The following MAP2K5 variants were observed in gnomAD, a reference collection of about 807,000 sequenced individuals.
MAP2K5 encodes the protein dual specificity mitogen-activated protein kinase kinase 5.
Under a neutral mutation model 83.1 loss-of-function variants are expected in MAP2K5, and 49 were observed. The ratio of observed to expected loss-of-function variants is 0.59; its 90% CI spans 0.47 to 0.75. The LOEUF is 0.75. Among genes scored for constraint, MAP2K5 ranks in the 30% least tolerant of loss-of-function variants. The probability of loss-of-function intolerance (pLI) is 0.00; values close to 1 mark genes in which losing one functional copy is unlikely to be tolerated. For missense variants in MAP2K5, 457 were observed against 557.5 expected (o/e 0.82, Z 1.82); for synonymous variants, 202 against 191.8 (o/e 1.05, Z -0.44).
At position 67,652,072 on chromosome 15, in the gene MAP2K5, G is replaced by A. The variant is rs1368064336; in HGVS notation, c.736+5603G>A. On this transcript the variant is annotated intron_variant, in intron 11 of 21. Transcript: ENST00000178640. The surrounding 1 kb of genome is among the most constrained non-coding windows in gnomAD (Gnocchi z 4.2). The stretch of plus-strand genomic sequence containing the variant: ...AAAAGCCATTTCAGCTGGAGTGAGA[G>A]GATATCTCACTGTGGTTTTGATTTG... Among the ~76,000 whole-genome samples, 3 of 152,152 alleles carry A rather than the reference G, an allele frequency of 2.0e-5. No individual in the cohort carries two copies. Among genetic ancestry groups the A allele is most frequent in the Non-Finnish European group, 2.9e-5 (2 of 68,006 alleles).
At chr15:67,588,044 A>G (rs2085324693) in intron 6 of MAP2K5, 1 of 975,160 alleles carries the variant, frequency 1.0e-6, no homozygotes, top group Non-Finnish European at 1.2e-6. Flanking sequence ...CCATCTTGCC[A>G]GTGTACAGTC....
intron 21 of MAP2K5, among the ~76,000 whole-genome samples, chr15:67,806,317 G>A (rs974716041): frequency 6.6e-6 from 1 of 152,240 alleles, no homozygotes; most frequent in African/African-American, 2.4e-5. Context: ...AGTGATGCCG[G>A]GCAGAGGAAG....
chr15:67,636,305 G>A lies in MAP2K5; in HGVS notation c.585+5378G>A, dbSNP rs2086602477. On this transcript the variant is annotated intron_variant, in intron 9 of 21. Coordinates refer to ENST00000178640, the MANE Select transcript of MAP2K5 (RefSeq NM_145160.3). The surrounding 1 kb of genome is among the most constrained non-coding windows in gnomAD (Gnocchi z 4.7). ...CGCTTGTAGTCCCAGCTACTCAGGA[G>A]GCTGAAGCAGGAGAATGGCGTGAAC... 6.6e-6 allele frequency among the ~76,000 whole-genome samples: 1 copy of A among 152,022 alleles called. No individual in the cohort carries two copies. The highest frequency in any genetic ancestry group is 2.4e-5 in the African/African-American group (1 of 41,392).
intron 7 of MAP2K5, among the ~76,000 whole-genome samples, chr15:67,597,255 G>A (rs1166975886): frequency 6.6e-6 from 1 of 151,414 alleles, no homozygotes; most frequent in Non-Finnish European, 1.5e-5. Flanking sequence ...AATTTAAAGA[G>A]CTGTGTGATT....
chr15:67,574,651 G>A (rs1272744576), intron 3 of MAP2K5, among the ~76,000 whole-genome samples: 2 of 150,972 alleles, frequency 1.3e-5, no homozygotes, highest in African/African-American at 2.4e-5. Flanking sequence ...GGCGAATCAC[G>A]AAGTAAAGAG....
chr15:67,568,878 C>T (rs1006351512), intron 3 of MAP2K5, among the ~76,000 whole-genome samples: 68 of 151,624 alleles, frequency 4.5e-4, no homozygotes, highest in South Asian at 4.2e-4. Flanking sequence ...TGGTGGCATG[C>T]GCCTGTAGTC....
chr15:67,737,117 C>G (rs534193335), intron 17 of MAP2K5, among the ~76,000 whole-genome samples: 53 of 152,296 alleles, frequency 3.5e-4, no homozygotes, highest in Middle Eastern at 3.4e-3. Flanking sequence ...AATGGCCGTC[C>G]TTATTTTACA....
chr15:67,728,965 T>C (rs2089163216), intron 17 of MAP2K5, among the ~76,000 whole-genome samples: 1 of 152,246 alleles, frequency 6.6e-6, no homozygotes, highest in African/African-American at 2.4e-5. Flanking sequence ...ATTCTTTTGC[T>C]TTCATAGTTA....
In MAP2K5 at chr15:67,760,340, A is replaced by T. The variant is rs1414656130; in HGVS notation, c.1135-9262A>T. On this transcript the variant is annotated intron_variant, in intron 19 of 21. Transcript: ENST00000178640. The surrounding 1 kb of genome is among the most constrained non-coding windows in gnomAD (Gnocchi z 4.1). ...TACAGAAGAAACAAGTTATAAGAAA[A>T]TTTTTTCCTCATAGTCTGAAGGATG... Among the ~76,000 whole-genome samples the T allele has an allele frequency of 6.6e-6, 1 of 152,112 alleles. No homozygotes were observed. Among genetic ancestry groups the T allele is most frequent in the Non-Finnish European group, 1.5e-5 (1 of 68,018 alleles).
Position 67,771,208 on chromosome 15 carries a change from C to T in MAP2K5, c.1197-1499C>T, listed in dbSNP as rs73427984. 4.9e-4 allele frequency among the ~76,000 whole-genome samples: 55 copies of T among 112,320 alleles called. No individual in the cohort carries two copies. In the South Asian group the frequency reaches 5.8e-3, roughly 12 times the overall value. The allele number at this position is 112,320 out of a possible 152,430, so 73.7% of individuals were successfully genotyped here. The stretch of plus-strand genomic sequence containing the variant: ...GGTAATGTGTACCATGTGTTTTACA[C>T]ATGGTAATGCCTCATTTTGAAATGC... On this transcript the variant is annotated intron_variant, in intron 20 of 21. Coordinates refer to ENST00000178640, the MANE Select transcript of MAP2K5 (RefSeq NM_145160.3).
At chr15:67,649,676 C>T (rs769026140) in intron 11 of MAP2K5, among the ~76,000 whole-genome samples, 1 of 152,168 alleles carries the variant, frequency 6.6e-6, no homozygotes, top group Non-Finnish European at 1.5e-5. Context: ...ATACATCTCG[C>T]ATTGATCTAG....
At chr15:67,647,877 T>G (rs529472662) in intron 11 of MAP2K5, among the ~76,000 whole-genome samples, 1 of 149,984 alleles carries the variant, frequency 6.7e-6, no homozygotes, top group African/African-American at 2.4e-5. Flanking sequence ...TTAAAAAAAA[T>G]AAAAAAAGGA....
chr15:67,710,689 A>G (rs543672001), intron 16 of MAP2K5, among the ~76,000 whole-genome samples: 1 of 151,980 alleles, frequency 6.6e-6, no homozygotes, highest in South Asian at 2.1e-4. Context: ...TTTTTAGTAG[A>G]GATGGGGTTT....
chr15:67,798,460 G>A (rs562450777), intron 21 of MAP2K5, among the ~76,000 whole-genome samples: 1 of 152,286 alleles, frequency 6.6e-6, no homozygotes, highest in African/African-American at 2.4e-5. Context: ...TGGCCCACTG[G>A]AGTCATCCTG....
Position 67,698,708 on chromosome 15 carries a change from C to G in MAP2K5, c.973-4629C>G, listed in dbSNP as rs2088327585. On this transcript the variant is annotated intron_variant, in intron 15 of 21. Coordinates refer to ENST00000178640, the MANE Select transcript of MAP2K5 (RefSeq NM_145160.3). The surrounding 1 kb of genome is among the most constrained non-coding windows in gnomAD (Gnocchi z 4.5). ...TAAATAACCATTCTTATCTCTAGAA[C>G]ATTTTTTTCTGCCCAAGCTATTCCA... is the stretch of plus-strand genomic sequence containing the variant. Among the ~76,000 whole-genome samples the G allele has an allele frequency of 6.6e-6, 1 of 152,142 alleles. No individual in the cohort carries two copies. Among genetic ancestry groups the G allele is most frequent in the African/African-American group, 2.4e-5 (1 of 41,436 alleles).
intron 19 of MAP2K5, among the ~76,000 whole-genome samples, chr15:67,765,504 T>A (rs2090025651): frequency 6.6e-6 from 1 of 152,096 alleles, no homozygotes; most frequent in Non-Finnish European, 1.5e-5. Flanking sequence ...GGGTGGAGGG[T>A]AGATTAATGA....
In MAP2K5 at chr15:67,762,878, C is replaced by T. The variant is rs2089975524; in HGVS notation, c.1135-6724C>T. 3.3e-5 allele frequency among the ~76,000 whole-genome samples: 5 copies of T among 152,268 alleles called. No homozygotes were observed. In the South Asian group the frequency reaches 8.3e-4, roughly 25 times the overall value. Reference sequence around the variant, plus strand: ...GCCTTTCAGTGGCAAAAATTCAGGCCTTTACCCCGTGGTTCCAGGCCCATC... The same window carrying T: ...GCCTTTCAGTGGCAAAAATTCAGGCTTTTACCCCGTGGTTCCAGGCCCATC... On this transcript the variant is annotated intron_variant, in intron 19 of 21. Coordinates refer to ENST00000178640, the MANE Select transcript of MAP2K5 (RefSeq NM_145160.3).
At position 67,717,302 on chromosome 15, in the gene MAP2K5, G is replaced by A. The variant is rs942642648; in HGVS notation, c.1045-10614G>A. Among the ~76,000 whole-genome samples, 5 of 152,126 alleles carry A rather than the reference G, an allele frequency of 3.3e-5. No homozygotes were observed. Among genetic ancestry groups the A allele is most frequent in the Non-Finnish European group, 7.4e-5 (5 of 68,000 alleles). On this transcript the variant is annotated intron_variant, in intron 16 of 21. Coordinates refer to ENST00000178640, the MANE Select transcript of MAP2K5 (RefSeq NM_145160.3). This position sits in a 1 kb window ranked among gnomAD's most constrained non-coding sequence, Gnocchi z 4.1. ...TAAGGCCTAGTTTATTTATTAAAAA[G>A]AAACACAAATATTAACCTAATCTCC...
At chr15:67,568,726 G>A (rs1303950051) in intron 3 of MAP2K5, among the ~76,000 whole-genome samples, 1 of 152,042 alleles carries the variant, frequency 6.6e-6, no homozygotes, top group Non-Finnish European at 1.5e-5. Context: ...TACTCTGTTG[G>A]CTGGGCGCGG....
Sources: allele counts gnomAD v4.1 joint callset (sites outside exome capture counted in the v4.1 genomes callset), GRCh38; gene constraint gnomAD v4.1.1; non-coding constraint Gnocchi (gnomAD v3.1); transcripts MANE v1.5; gene names NCBI Gene and HGNC (gene_info 2026-07-23, HGNC 2026-07-21).